Variants in CSMD1 observed in about 807,000 individuals in gnomAD.
CSMD1 encodes CUB and sushi domain-containing protein 1.
A neutral mutation model predicts 417.5 loss-of-function variants in CSMD1; 213 were observed. That is an observed-to-expected ratio of 0.51 (90% confidence interval 0.46 to 0.57). The LOEUF (loss-of-function observed/expected upper bound fraction) is 0.57, where lower values mean the gene tolerates loss of function less well. CSMD1 is among the 20% of genes least tolerant of loss of function. CSMD1 has a pLI of 0.00. For synonymous variants in CSMD1, 2,862 were observed against 1,736.8 expected (o/e 1.65, Z -16.11); for missense variants, 6,923 against 4,529.7 (o/e 1.53, Z -15.17).
chr8:4,758,690 C>T (rs560832886), intron 1 of CSMD1, among the ~76,000 whole-genome samples: 1 of 152,310 alleles, frequency 6.6e-6, no homozygotes, highest in South Asian at 2.1e-4. Context: ...ACACATCTTA[C>T]ATGGCAGCAG....
Position 4,075,848 on chromosome 8 carries a change from C to T in CSMD1, c.416-43749G>A, listed in dbSNP as rs141621184. 2.4e-3 allele frequency among the ~76,000 whole-genome samples: 365 copies of T among 152,216 alleles called. 2 individuals are homozygous for T. Among genetic ancestry groups the T allele is most frequent in the African/African-American group, 7.9e-3 (327 of 41,542 alleles). ...AGTGAAAAAGGAAGCAGGCTATTGT[C>T]CTCAGGGAGCCAGTTCATATCTGTT... is the stretch of plus-strand genomic sequence containing the variant. On this transcript the variant is annotated intron_variant, in intron 3 of 69. Transcript: ENST00000635120.
chr8:4,262,341 G>A (rs1394956362), intron 3 of CSMD1, among the ~76,000 whole-genome samples: 2 of 151,982 alleles, frequency 1.3e-5, no homozygotes, highest in African/African-American at 2.4e-5. Flanking sequence ...TTTCATTTCT[G>A]CAATCTGGGA....
intron 1 of CSMD1, among the ~76,000 whole-genome samples, chr8:4,812,340 C>T (rs946737270): frequency 3.3e-5 from 5 of 152,148 alleles, no homozygotes; most frequent in Non-Finnish European, 7.4e-5. Context: ...ACAGATGCTT[C>T]CAGTCTTTTT....
chr8:4,263,921 T>C lies in CSMD1; in HGVS notation c.415+156032A>G, dbSNP rs568197800. ...CACAATAGTCCTGCAGTTTTCTAAATACAGTGTTTTTCTATCTATATAATG... is the reference window on the plus strand; with the variant it reads ...CACAATAGTCCTGCAGTTTTCTAAACACAGTGTTTTTCTATCTATATAATG... On this transcript the variant is annotated intron_variant, in intron 3 of 69. Coordinates refer to ENST00000635120, the MANE Select transcript of CSMD1 (RefSeq NM_033225.6). Among the ~76,000 whole-genome samples the C allele has an allele frequency of 4.6e-5, 7 of 152,312 alleles. No homozygotes were observed. The East Asian group carries it at 7.7e-4, about 17-fold the overall frequency.
chr8:3,240,288 G>A (rs1343789867), intron 26 of CSMD1, among the ~76,000 whole-genome samples: 2 of 152,240 alleles, frequency 1.3e-5, no homozygotes, highest in Non-Finnish European at 2.9e-5. Context: ...TTCAAGGAAC[G>A]GAAAGAGGAG....
At chr8:4,318,813 T>G (rs929557155) in intron 3 of CSMD1, among the ~76,000 whole-genome samples, 4 of 152,088 alleles carry the variant, frequency 2.6e-5, no homozygotes, top group Non-Finnish European at 5.9e-5. Flanking sequence ...TTTAAACTAT[T>G]TGAAAGCTAA....
At chr8:3,872,898 G>C (rs960751451) in intron 5 of CSMD1, among the ~76,000 whole-genome samples, 1 of 148,062 alleles carries the variant, frequency 6.8e-6, no homozygotes, top group South Asian at 2.1e-4. Context: ...CAAACAACAT[G>C]AACAGACACT....
At chr8:3,044,650 C>G (rs947537500) in intron 50 of CSMD1, among the ~76,000 whole-genome samples, 1 of 151,582 alleles carries the variant, frequency 6.6e-6, no homozygotes, top group Non-Finnish European at 1.5e-5. Flanking sequence ...AAAAAGGGAC[C>G]TCAAACATCT....
chr8:3,592,370 A>G (rs762807210), intron 8 of CSMD1, among the ~76,000 whole-genome samples: 7 of 152,256 alleles, frequency 4.6e-5, no homozygotes, highest in South Asian at 2.1e-4. Context: ...GCATTTAAAC[A>G]TTTTTGCATC....
intron 3 of CSMD1, among the ~76,000 whole-genome samples, chr8:4,220,800 A>C (rs1031753773): frequency 2.0e-5 from 3 of 152,226 alleles, no homozygotes; most frequent in Admixed American, 6.5e-5. Flanking sequence ...AACGCACCGA[A>C]CGCAGCTCAG....
intron 3 of CSMD1, among the ~76,000 whole-genome samples, chr8:4,163,677 G>A (rs546496407): frequency 2.0e-5 from 3 of 152,194 alleles, no homozygotes; most frequent in South Asian, 4.1e-4. Context: ...TTTAAAACAA[G>A]AAGTAACATA....
intron 3 of CSMD1, among the ~76,000 whole-genome samples, chr8:4,045,466 G>A (rs1196983570): frequency 6.6e-6 from 1 of 152,196 alleles, no homozygotes; most frequent in Non-Finnish European, 1.5e-5. Context: ...GGCCACTGGT[G>A]CTGGGGTCAG....
intron 5 of CSMD1, among the ~76,000 whole-genome samples, chr8:3,943,229 T>C (rs756933549): frequency 2.6e-5 from 4 of 152,070 alleles, no homozygotes; most frequent in East Asian, 3.9e-4. Flanking sequence ...GATTTAACCT[T>C]TGTACAATCA....
chr8:3,389,164 A>G (rs1811197745), intron 17 of CSMD1, among the ~76,000 whole-genome samples: 2 of 152,106 alleles, frequency 1.3e-5, no homozygotes, highest in African/African-American at 4.8e-5. Flanking sequence ...GGTTTGTTAC[A>G]TTGGTAAACT....
At chr8:3,261,202 C>T (rs7820866) in intron 26 of CSMD1, among the ~76,000 whole-genome samples, 32,154 of 152,028 alleles carry the variant, frequency 0.21, 3,599 homozygotes, top group South Asian at 0.29. Flanking sequence ...AATTTTATAT[C>T]GTCTGTAAAA....
intron 7 of CSMD1, among the ~76,000 whole-genome samples, chr8:3,693,258 G>A (rs1050116649): frequency 6.6e-6 from 1 of 152,172 alleles, no homozygotes; most frequent in African/African-American, 2.4e-5. Flanking sequence ...ATATAACCAA[G>A]TAGGATGCAA....
intron 1 of CSMD1, among the ~76,000 whole-genome samples, chr8:4,873,873 G>A (rs1802880560): frequency 6.6e-6 from 1 of 152,022 alleles, no homozygotes; most frequent in Admixed American, 6.6e-5. Context: ...ACTTTTTGAA[G>A]CACTACGGCT....
intron 17 of CSMD1, among the ~76,000 whole-genome samples, chr8:3,394,514 A>G (rs1811566242): frequency 6.6e-6 from 1 of 152,084 alleles, no homozygotes. Flanking sequence ...CTACAGAAAT[A>G]CAGATGAAAA....
At chr8:3,297,319 A>G (rs2117316876) in intron 25 of CSMD1, among the ~76,000 whole-genome samples, 1 of 152,290 alleles carries the variant, frequency 6.6e-6, no homozygotes, top group South Asian at 2.1e-4. Context: ...AAAAATTAAG[A>G]GTGTTTCTGA....
Sources: gnomAD v4.1 joint callset for allele counts (sites outside exome capture counted in the v4.1 genomes callset) on GRCh38, gnomAD v4.1.1 for gene constraint, MANE v1.5 for transcripts, NCBI Gene and HGNC (gene_info 2026-07-23, HGNC 2026-07-21) for gene names.